The following GAS2 variants were observed in gnomAD, a reference collection of about 807,000 sequenced individuals.
GAS2 encodes growth arrest specific 2, also known as growth arrest-specific protein 2.
A neutral mutation model predicts 37.5 loss-of-function variants in GAS2; 20 were observed. That is an observed-to-expected ratio of 0.53 (90% CI 0.37 to 0.77). The LOEUF (loss-of-function observed/expected upper bound fraction) is 0.77. Ranked by LOEUF, GAS2 falls within the 30% of genes least tolerant of loss-of-function variation. The pLI, the probability that GAS2 is intolerant of heterozygous loss-of-function variation, is 0.00. For missense variants in GAS2, 336 were observed against 373.4 expected, an observed-to-expected ratio of 0.90 and a Z score of 0.82; for synonymous variants, 144 against 132.2, an observed-to-expected ratio of 1.09 and a Z score of -0.61.
intron 1 of GAS2, among the ~76,000 whole-genome samples, chr11:22,646,553 CAG>C (rs976204369): frequency 6.6e-6 from 1 of 152,150 alleles, no homozygotes; most frequent in Non-Finnish European, 1.5e-5. Context: ...ACCCAGATGA[CAG>C]GGAGTTGTAA....
intron 6 of GAS2, among the ~76,000 whole-genome samples, chr11:22,750,786 A>C (rs551374031): frequency 1.0e-3 from 154 of 152,040 alleles, no homozygotes; most frequent in African/African-American, 3.5e-3. Flanking sequence ...TTATGTTATA[A>C]ATATATTTCC....
rs1357699867 is a variant in GAS2, at chr11:22,726,278, TC to T, written c.268-13del. The T allele has an allele frequency of 6.3e-7, 1 of 1,583,828 alleles. No individual in the cohort carries two copies. The highest frequency in any genetic ancestry group is 1.4e-5 in the African/African-American group (1 of 72,544). On this transcript the variant is annotated splice_polypyrimidine_tract_variant and intron_variant, in intron 3 of 7. Transcript: ENST00000454584. ...TGACAGATTTCTCCTAGAACGAATTTCTTTATTTTTCAGAATCTACCGTTGA... is the reference window on the plus strand; with the variant it reads ...TGACAGATTTCTCCTAGAACGAATTTTTTATTTTTCAGAATCTACCGTTGA...
At chr11:22,685,199 T>C (rs1234820665) in intron 2 of GAS2, among the ~76,000 whole-genome samples, 1 of 152,112 alleles carries the variant, frequency 6.6e-6, no homozygotes, top group East Asian at 1.9e-4. Flanking sequence ...ACGGCGTTCT[T>C]GTAGTCAGAC....
At chr11:22,746,118 G>A (rs929684979) in intron 5 of GAS2, among the ~76,000 whole-genome samples, 1 of 152,122 alleles carries the variant, frequency 6.6e-6, no homozygotes, top group African/African-American at 2.4e-5. Flanking sequence ...GGAGGTCAAG[G>A]CTGCAGTGAG....
At chr11:22,687,460 G>A (rs568529680) in intron 3 of GAS2, among the ~76,000 whole-genome samples, 1 of 152,298 alleles carries the variant, frequency 6.6e-6, no homozygotes, top group East Asian at 1.9e-4. Flanking sequence ...GTGCAGCAAA[G>A]TTTGGTAACC....
chr11:22,772,424 T>C (rs1257613711), intron 7 of GAS2, among the ~76,000 whole-genome samples: 5 of 152,252 alleles, frequency 3.3e-5, no homozygotes, highest in African/African-American at 4.8e-5. Flanking sequence ...GTATTGTTTT[T>C]TGGTTTTTGT....
At chr11:22,685,943 T>C (rs532150557) in intron 3 of GAS2, among the ~76,000 whole-genome samples, 154 bp downstream of exon 3, 31 of 152,352 alleles carry the variant, frequency 2.0e-4, no homozygotes, top group African/African-American at 7.5e-4. Flanking sequence ...TTAGGTAACA[T>C]GTTATTTGCA....
chr11:22,769,421 T>G (rs1854861549), intron 7 of GAS2, among the ~76,000 whole-genome samples: 1 of 152,248 alleles, frequency 6.6e-6, no homozygotes, highest in South Asian at 2.1e-4. Flanking sequence ...CAGGTGAACC[T>G]GAATGTTAAT....
intron 1 of GAS2, among the ~76,000 whole-genome samples, chr11:22,641,348 TTA>T (rs1222296557): frequency 1.4e-5 from 2 of 143,882 alleles, no homozygotes; most frequent in African/African-American, 5.1e-5. Flanking sequence ...ATATATGTCT[TTA>T]TATATATTTT....
intron 5 of GAS2, 87 bp from the exon 6 acceptor site, chr11:22,749,033 T>A: frequency 8.0e-7 from 1 of 1,243,324 alleles, no homozygotes; most frequent in Non-Finnish European, 1.1e-6. Flanking sequence ...AGTGATTTAC[T>A]CCCATGGTGC....
At chr11:22,711,691 G>A (rs1201671748) in intron 3 of GAS2, among the ~76,000 whole-genome samples, 1 of 152,182 alleles carries the variant, frequency 6.6e-6, no homozygotes, top group Non-Finnish European at 1.5e-5. Context: ...GATTGGCCTT[G>A]CTGGCTATGT....
chr11:22,768,144 T>G (rs1854789316), intron 7 of GAS2, among the ~76,000 whole-genome samples: 1 of 152,228 alleles, frequency 6.6e-6, no homozygotes, highest in Non-Finnish European at 1.5e-5. Context: ...AGAAGCAGAA[T>G]AAGATCTTAA....
chr11:22,643,312 A>G (rs890288937), intron 1 of GAS2, among the ~76,000 whole-genome samples: 1 of 152,138 alleles, frequency 6.6e-6, no homozygotes, highest in Non-Finnish European at 1.5e-5. Flanking sequence ...CGTCAGTTCA[A>G]TGCCCAGAAT....
chr11:22,776,746 T>G (rs1305201288), intron 7 of GAS2, among the ~76,000 whole-genome samples: 1 of 152,188 alleles, frequency 6.6e-6, no homozygotes, highest in East Asian at 1.9e-4. Flanking sequence ...AAAATATCTT[T>G]CTCAAAAGTT....
chr11:22,658,986 G>A (rs907307533), intron 1 of GAS2, among the ~76,000 whole-genome samples: 1 of 152,206 alleles, frequency 6.6e-6, no homozygotes, highest in Non-Finnish European at 1.5e-5. Flanking sequence ...GCATAAGTAT[G>A]ATTTTGTTAT....
At chr11:22,647,069 C>A (rs1848704806) in intron 1 of GAS2, among the ~76,000 whole-genome samples, 2 of 127,856 alleles carry the variant, frequency 1.6e-5, no homozygotes, top group African/African-American at 6.0e-5. Context: ...CTATCCTTCC[C>A]CCCTCCCCCC....
chr11:22,682,132 A>G (rs564226415), intron 2 of GAS2, among the ~76,000 whole-genome samples: 1 of 152,204 alleles, frequency 6.6e-6, no homozygotes, highest in Admixed American at 6.5e-5. Flanking sequence ...AATATACAGA[A>G]TTGAAAGCTG....
At chr11:22,712,948 C>T (rs11529706) in intron 3 of GAS2, among the ~76,000 whole-genome samples, 20,941 of 151,210 alleles carry the variant, frequency 0.14, 1,627 homozygotes, top group East Asian at 0.19. Flanking sequence ...CATGGTGGCT[C>T]AAACCTGTGG....
chr11:22,674,542 G>A (rs1590608023), intron 1 of GAS2, among the ~76,000 whole-genome samples: 1 of 152,074 alleles, frequency 6.6e-6, no homozygotes, highest in South Asian at 2.1e-4. Flanking sequence ...ACTTTTTCTC[G>A]TGTTTCAATA....
Sources: allele counts gnomAD v4.1 joint callset (sites outside exome capture counted in the v4.1 genomes callset), GRCh38; gene constraint gnomAD v4.1.1; transcripts MANE v1.5; gene names NCBI Gene and HGNC (gene_info 2026-07-23, HGNC 2026-07-21).